OSBPL6: variants seen among roughly 807,000 people sequenced by gnomAD.
OSBPL6 encodes the protein oxysterol-binding protein-related protein 6.
OSBPL6 carries 49 observed loss-of-function variants against 125.8 expected under a neutral mutation model. That is an observed-to-expected ratio of 0.39 (90% CI 0.31 to 0.49). The LOEUF is 0.49. OSBPL6 is among the 20% of genes least tolerant of loss of function. OSBPL6 has a pLI of 0.88. For synonymous variants in OSBPL6, 394 were observed against 391.8 expected (o/e 1.01, Z -0.07); for missense variants, 986 against 1,135.4 (o/e 0.87, Z 1.89).
chr2:178,280,527 A>T (rs1242512100), intron 1 of OSBPL6, among the ~76,000 whole-genome samples: 1 of 152,228 alleles, frequency 6.6e-6, no homozygotes, highest in African/African-American at 2.4e-5. Context: ...TGTACAGAAT[A>T]TTCGCATGAA....
chr2:178,308,843 G>A (rs1482932613), intron 3 of OSBPL6, among the ~76,000 whole-genome samples: 1 of 151,904 alleles, frequency 6.6e-6, no homozygotes, highest in Non-Finnish European at 1.5e-5. Flanking sequence ...CTCTACCCAG[G>A]ATCCTGCAGA....
chr2:178,224,039 C>G (rs1025229764), intron 1 of OSBPL6, among the ~76,000 whole-genome samples: 10 of 152,154 alleles, frequency 6.6e-5, no homozygotes, highest in Admixed American at 6.5e-4. Flanking sequence ...GCCCAATTCC[C>G]AAGGGGAACG....
At chr2:178,294,858 C>T (rs1685601267) in intron 2 of OSBPL6, among the ~76,000 whole-genome samples, 2 of 136,548 alleles carry the variant, frequency 1.5e-5, no homozygotes, top group Non-Finnish European at 1.6e-5. Flanking sequence ...TGCATTACCT[C>T]ACCATTAGCT....
intron 9 of OSBPL6, among the ~76,000 whole-genome samples, chr2:178,337,453 T>G (rs1689788592): frequency 6.6e-6 from 1 of 152,178 alleles, no homozygotes. Flanking sequence ...ATCCCAGACT[T>G]TATGTGAAAG....
chr2:178,242,358 G>T (rs972192174), intron 1 of OSBPL6, among the ~76,000 whole-genome samples: 6 of 152,124 alleles, frequency 3.9e-5, no homozygotes, highest in Non-Finnish European at 8.8e-5. Flanking sequence ...TAGCTGAGCA[G>T]CCTACTTTCC....
In OSBPL6 at chr2:178,259,374, G is replaced by T. The variant is rs150088269; in HGVS notation, c.-350-25553G>T. Among the ~76,000 whole-genome samples the T allele has an allele frequency of 1.6e-4, 25 of 152,128 alleles. No homozygotes were observed. In the East Asian group the frequency reaches 3.9e-3, roughly 24 times the overall value. On this transcript the variant is annotated intron_variant, in intron 1 of 24. Coordinates refer to ENST00000190611, the MANE Select transcript of OSBPL6 (RefSeq NM_032523.4). ...GTAAAATCCAGAAAGCCATTTACCTGTCTCTTCATTTTTAACGAGATTACT... is the reference window on the plus strand; with the variant it reads ...GTAAAATCCAGAAAGCCATTTACCTTTCTCTTCATTTTTAACGAGATTACT...
At chr2:178,214,733 C>T (rs1257814713) in intron 1 of OSBPL6, among the ~76,000 whole-genome samples, 1 of 152,084 alleles carries the variant, frequency 6.6e-6, no homozygotes, top group East Asian at 1.9e-4. Flanking sequence ...ATCACTTGAG[C>T]CCAGGAGTTT....
Position 178,398,941 on chromosome 2 carries a change from T to C in OSBPL6, c.*3382T>C, listed in dbSNP as rs1696009018. On this transcript the variant is annotated 3_prime_UTR_variant, in exon 25 of 25. Transcript: ENST00000190611. ...TAATCATAAAGTACATTTTTGTTAT[T>C]ACCTTGTGGATTTTAATTATCCATC... 2 of 152,020 alleles carry C rather than the reference T, an allele frequency of 1.3e-5. No homozygotes were observed. Among genetic ancestry groups the C allele is most frequent in the Non-Finnish European group, 2.9e-5 (2 of 68,022 alleles). 9.4% of individuals were successfully genotyped at this position (152,020 alleles called of 1,614,324 possible).
intron 24 of OSBPL6, among the ~76,000 whole-genome samples, chr2:178,395,048 C>A (rs898481995): frequency 6.6e-6 from 1 of 152,136 alleles, no homozygotes; most frequent in Non-Finnish European, 1.5e-5. Context: ...CTAAAATGTG[C>A]TCCTTGGACA....
intron 12 of OSBPL6, among the ~76,000 whole-genome samples, chr2:178,361,100 TAAC>T (rs1189351245): frequency 6.6e-5 from 10 of 152,212 alleles, no homozygotes; most frequent in African/African-American, 1.7e-4. Context: ...CAAAGCACTT[TAAC>T]AACAAGATAT....
At chr2:178,361,943 C>T in intron 13 of OSBPL6, 128 bp downstream of exon 13, 1 of 1,122,002 alleles carries the variant, frequency 8.9e-7, no homozygotes, top group South Asian at 1.9e-5. Flanking sequence ...AGAATTTCCC[C>T]CAAAAGACTG....
intron 1 of OSBPL6, among the ~76,000 whole-genome samples, chr2:178,216,025 T>A (rs1204172724): frequency 6.6e-6 from 1 of 151,994 alleles, no homozygotes. Context: ...TTGAGGAAGG[T>A]CCTAACTTAC....
intron 3 of OSBPL6, among the ~76,000 whole-genome samples, chr2:178,322,398 G>A (rs1688321168): frequency 6.6e-6 from 1 of 152,136 alleles, no homozygotes; most frequent in African/African-American, 2.4e-5. Flanking sequence ...ATGAAACAAG[G>A]TTAATATGTG....
At chr2:178,314,579 A>C (rs1373625522) in intron 3 of OSBPL6, among the ~76,000 whole-genome samples, 1 of 152,258 alleles carries the variant, frequency 6.6e-6, no homozygotes, top group African/African-American at 2.4e-5. Context: ...ATTTGTTTGC[A>C]AAAGCTCAGA....
At chr2:178,244,610 C>G (rs909903034) in intron 1 of OSBPL6, among the ~76,000 whole-genome samples, 1 of 152,168 alleles carries the variant, frequency 6.6e-6, no homozygotes, top group South Asian at 2.1e-4. Context: ...GTAGCCTTCT[C>G]AACTGGAAGG....
At chr2:178,360,489 A>T (rs1045804604) in intron 12 of OSBPL6, among the ~76,000 whole-genome samples, 1 of 152,200 alleles carries the variant, frequency 6.6e-6, no homozygotes, top group African/African-American at 2.4e-5. Context: ...ATATATACAC[A>T]ATAAATTTTT....
chr2:178,370,417 C>T (rs181682276), intron 13 of OSBPL6, among the ~76,000 whole-genome samples: 1 of 151,282 alleles, frequency 6.6e-6, no homozygotes. Context: ...GGCAGAGAAG[C>T]AACAAAGAAG....
At chr2:178,311,864 G>GGACAAAAGCA (rs1687301514) in intron 3 of OSBPL6, among the ~76,000 whole-genome samples, 1 of 152,198 alleles carries the variant, frequency 6.6e-6, no homozygotes, top group Non-Finnish European at 1.5e-5. Flanking sequence ...ATCATGTGAA[G>GGACAAAAGCA]GACAAAAGCA....
intron 1 of OSBPL6, among the ~76,000 whole-genome samples, chr2:178,229,106 A>G (rs1348971243): frequency 1.3e-5 from 2 of 152,292 alleles, no homozygotes; most frequent in East Asian, 3.9e-4. Flanking sequence ...GTAAAGGGCA[A>G]AATACAAGGG....
Sources: gnomAD v4.1 joint callset for allele counts (sites outside exome capture counted in the v4.1 genomes callset) on GRCh38, gnomAD v4.1.1 for gene constraint, MANE v1.5 for transcripts, NCBI Gene and HGNC (gene_info 2026-07-23, HGNC 2026-07-21) for gene names.